Variants in ERICH6B observed in about 807,000 individuals in gnomAD.
ERICH6B encodes glutamate rich 6B.
ERICH6B carries 69 observed loss-of-function variants against 80.0 expected under a neutral mutation model. The observed-to-expected ratio is 0.86, with a 90% CI of 0.71 to 1.05. The LOEUF (loss-of-function observed/expected upper bound fraction) is 1.05. Among genes scored for constraint, ERICH6B ranks in the 50% least tolerant of loss-of-function variants. The pLI is 0.00. For missense variants in ERICH6B, 754 were observed against 796.1 expected (o/e 0.95, Z 0.64); for synonymous variants, 283 against 291.9 (o/e 0.97, Z 0.31).
In ERICH6B at chr13:45,544,803, T is replaced by C. The variant is rs927107227; in HGVS notation, c.1829A>G (p.Tyr610Cys). 4.5e-6 allele frequency: 7 copies of C among 1,551,566 alleles called. No individual in the cohort carries two copies. The African/African-American group carries it at 8.2e-5, about 18-fold the overall frequency. ...SQDKIIFCFT[Y>C]EQKQICLNLG... ...GTTTAAACAAATCTGCTTCTGTTCA[T>C]AGGTGAAGCAGAAGATGATCTTATC... Residue 610 changes from tyrosine (Y) to cysteine (C), a missense_variant, in exon 14 of 15, where the codon TAT becomes TGT. By Grantham distance (194) the Tyr-to-Cys change is radical. Transcript: ENST00000298738.
chr13:45,596,239 A>T, intron 3 of ERICH6B, 130 bp downstream of exon 3: 1 of 1,197,108 alleles, frequency 8.4e-7, no homozygotes, highest in Non-Finnish European at 1.1e-6. Context: ...CTGGTAAACT[A>T]GAGTTACCAT....
At chr13:45,613,868 C>T (rs530633278) in intron 1 of ERICH6B, among the ~76,000 whole-genome samples, 1 of 152,206 alleles carries the variant, frequency 6.6e-6, no homozygotes, top group Non-Finnish European at 1.5e-5. Flanking sequence ...GGCCGGTAAA[C>T]CACTAAGGTC....
intron 13 of ERICH6B, among the ~76,000 whole-genome samples, chr13:45,546,135 A>G (rs1378308272): frequency 6.6e-6 from 1 of 152,126 alleles, no homozygotes; most frequent in African/African-American, 2.4e-5. Context: ...TGATAGGTAC[A>G]AGGGAATGAA....
intron 8 of ERICH6B, among the ~76,000 whole-genome samples, chr13:45,569,784 T>G (rs535810808): frequency 1.7e-4 from 26 of 152,312 alleles, no homozygotes; most frequent in African/African-American, 6.0e-4. Flanking sequence ...CTGGGGTGCT[T>G]TAGGTCCGAC....
At chr13:45,589,197 G>C (rs932152915) in intron 4 of ERICH6B, among the ~76,000 whole-genome samples, 1 of 152,166 alleles carries the variant, frequency 6.6e-6, no homozygotes, top group Admixed American at 6.5e-5. Context: ...GGGCCTCTCA[G>C]AACTTGGAGG....
At chr13:45,576,216 CCT>C (rs1875396049) in intron 7 of ERICH6B, among the ~76,000 whole-genome samples, 1 of 152,204 alleles carries the variant, frequency 6.6e-6, no homozygotes, top group Admixed American at 6.5e-5. Context: ...TGTCCTGGGG[CCT>C]CTCTACTTGC....
intron 8 of ERICH6B, among the ~76,000 whole-genome samples, chr13:45,572,454 C>T (rs1875214309): frequency 6.6e-6 from 1 of 152,152 alleles, no homozygotes; most frequent in Admixed American, 6.5e-5. Context: ...GCTAGATCTC[C>T]TACGCCATAT....
At chr13:45,563,599 GCC>G in intron 10 of ERICH6B, 126 bp downstream of exon 10, 1 of 862,038 alleles carries the variant, frequency 1.2e-6, no homozygotes, top group Non-Finnish European at 1.9e-6. Context: ...GACCACATCA[GCC>G]CTGTAGGCAC....
chr13:45,558,926 T>C (rs932616383), intron 11 of ERICH6B, among the ~76,000 whole-genome samples: 5 of 152,198 alleles, frequency 3.3e-5, no homozygotes, highest in Non-Finnish European at 7.3e-5. Context: ...GGTTTTGGTA[T>C]TAGGGTGACA....
intron 2 of ERICH6B, among the ~76,000 whole-genome samples, chr13:45,606,609 A>G (rs1247690241): frequency 7.5e-6 from 1 of 133,044 alleles, no homozygotes; most frequent in Non-Finnish European, 1.5e-5. Context: ...GCCAGAGTGC[A>G]GTGGTGTAAT....
chr13:45,568,298 C>A lies in ERICH6B; in HGVS notation c.1187+17G>T, dbSNP rs756883520. The A allele has an allele frequency of 6.5e-7, 1 of 1,531,448 alleles. No individual in the cohort carries two copies. Among genetic ancestry groups the A allele is most frequent in the South Asian group, 1.3e-5 (1 of 79,038 alleles). The allele number at this position is 1,531,448 out of a possible 1,614,324, so 94.9% of individuals were successfully genotyped here. A position where few individuals can be genotyped will look rare whatever the true frequency, so the allele number is the denominator to read the frequency against. On this transcript the variant is annotated intron_variant, in intron 9 of 14. Transcript: ENST00000298738. ...CCAAATCCACTGACCAATCACTTGG[C>A]CTCACCAGTTACTTACATAATTACC...
At chr13:45,608,170 G>A (rs1471520859) in intron 1 of ERICH6B, among the ~76,000 whole-genome samples, 2 of 152,146 alleles carry the variant, frequency 1.3e-5, no homozygotes, top group African/African-American at 4.8e-5. Flanking sequence ...CGATTCATTA[G>A]TAAGTCATTG....
At chr13:45,547,318 C>T (rs947909574) in intron 13 of ERICH6B, among the ~76,000 whole-genome samples, 1 of 152,198 alleles carries the variant, frequency 6.6e-6, no homozygotes, top group African/African-American at 2.4e-5. Flanking sequence ...TAGCTTTTAA[C>T]CTTTTAAATG....
At chr13:45,550,409 C>T in intron 11 of ERICH6B, 93 bp from the exon 12 acceptor site, 2 of 995,906 alleles carry the variant, frequency 2.0e-6, no homozygotes, top group Non-Finnish European at 3.0e-6. Flanking sequence ...CATCTGCTTG[C>T]TCTCCGATGC....
intron 10 of ERICH6B, among the ~76,000 whole-genome samples, chr13:45,562,112 G>C (rs1209252220): frequency 2.0e-5 from 3 of 152,236 alleles, no homozygotes; most frequent in African/African-American, 7.2e-5. Context: ...GCCCAGGCTA[G>C]AATGCAGTGG....
chr13:45,612,530 C>A (rs554751968), intron 1 of ERICH6B, among the ~76,000 whole-genome samples: 59 of 152,286 alleles, frequency 3.9e-4, no homozygotes, highest in Non-Finnish European at 7.5e-4. Context: ...GTATGGGGCC[C>A]ATGAGAGAAT....
intron 11 of ERICH6B, among the ~76,000 whole-genome samples, chr13:45,556,223 A>G (rs1247112063): frequency 6.6e-6 from 1 of 151,976 alleles, no homozygotes; most frequent in African/African-American, 2.4e-5. Flanking sequence ...GCTCCATGGG[A>G]GAGAAGGCTG....
chr13:45,552,125 T>C (rs1202093745), intron 11 of ERICH6B, among the ~76,000 whole-genome samples: 1 of 152,242 alleles, frequency 6.6e-6, no homozygotes, highest in Non-Finnish European at 1.5e-5. Flanking sequence ...TGCCAATGTA[T>C]AAAGGACTTT....
At chr13:45,585,155 C>T (rs751557745) in intron 5 of ERICH6B, among the ~76,000 whole-genome samples, 7 of 152,130 alleles carry the variant, frequency 4.6e-5, no homozygotes, top group Non-Finnish European at 7.3e-5. Context: ...AAAGTCAGTT[C>T]GCAGTATGGC....
Sources: gnomAD v4.1 joint callset for allele counts (sites outside exome capture counted in the v4.1 genomes callset) on GRCh38, gnomAD v4.1.1 for gene constraint, MANE v1.5 for transcripts, NCBI Gene and HGNC (gene_info 2026-07-23, HGNC 2026-07-21) for gene names.